The following RNLS variants were observed in gnomAD, a reference collection of about 807,000 sequenced individuals.
The protein encoded by RNLS is renalase.
RNLS carries 39 observed loss-of-function variants against 39.8 expected under a neutral mutation model. That is an observed-to-expected ratio of 0.98 (90% CI 0.76 to 1.28). The LOEUF is 1.28. RNLS is among the 50% of genes most tolerant of loss of function. The probability of loss-of-function intolerance (pLI) is 0.00; values close to 1 mark genes in which losing one functional copy is unlikely to be tolerated. For missense variants in RNLS, 410 were observed against 413.3 expected (o/e 0.99, Z 0.07); for synonymous variants, 147 against 150.7 (o/e 0.98, Z 0.18).
At chr10:88,252,493 G>T in the RNLS span, among the ~76,000 whole-genome samples, 1 of 152,186 alleles carries the variant, frequency 6.6e-6, no homozygotes, top group Non-Finnish European at 1.5e-5. Flanking sequence ...GTGGGCAGAG[G>T]CTGTGGCCAG....
intron 4 of RNLS, among the ~76,000 whole-genome samples, chr10:88,404,406 AT>A (rs1246400559): frequency 6.6e-6 from 1 of 152,062 alleles, no homozygotes; most frequent in East Asian, 1.9e-4. Flanking sequence ...CAATTCAGAT[AT>A]TACCACCTCT....
intron 4 of RNLS, among the ~76,000 whole-genome samples, chr10:88,369,240 CAAG>C (rs1850356025): frequency 1.3e-5 from 2 of 152,092 alleles, no homozygotes; most frequent in Non-Finnish European, 2.9e-5. Flanking sequence ...TTTGAATAGA[CAAG>C]AAGTCTATTT....
At chr10:88,434,686 G>C (rs1200368276) in intron 4 of RNLS, among the ~76,000 whole-genome samples, 2 of 152,060 alleles carry the variant, frequency 1.3e-5, no homozygotes, top group Non-Finnish European at 2.9e-5. Flanking sequence ...TTAAAAATCA[G>C]AATACATATT....
At chr10:88,365,457 T>A (rs922627368) in intron 4 of RNLS, among the ~76,000 whole-genome samples, 1 of 151,448 alleles carries the variant, frequency 6.6e-6, no homozygotes, top group Non-Finnish European at 1.5e-5. Context: ...CCAATTCCAA[T>A]ATAATAAATC....
intron 4 of RNLS, among the ~76,000 whole-genome samples, chr10:88,531,701 T>TA: frequency 6.6e-6 from 1 of 152,202 alleles, no homozygotes; most frequent in South Asian, 2.1e-4. Flanking sequence ...GAAATTCCCT[T>TA]TTAAAAGCTC....
intron 4 of RNLS, among the ~76,000 whole-genome samples, chr10:88,489,111 T>A (rs929541747): frequency 6.6e-6 from 1 of 152,154 alleles, no homozygotes; most frequent in Non-Finnish European, 1.5e-5. Context: ...AATGATTTGT[T>A]TTTTCTATAC....
At chr10:88,568,814 C>A (rs980865050) in intron 4 of RNLS, among the ~76,000 whole-genome samples, 2 of 152,138 alleles carry the variant, frequency 1.3e-5, no homozygotes, top group African/African-American at 4.8e-5. Flanking sequence ...AAGATACATT[C>A]GTTGCTCTGT....
chr10:88,533,059 A>C (rs1413414700), intron 4 of RNLS, among the ~76,000 whole-genome samples: 1 of 152,128 alleles, frequency 6.6e-6, no homozygotes, highest in African/African-American at 2.4e-5. Flanking sequence ...CAACAAAATA[A>C]ACATTTAATT....
At chr10:88,567,996 C>T (rs529434685) in intron 4 of RNLS, among the ~76,000 whole-genome samples, 6 of 152,272 alleles carry the variant, frequency 3.9e-5, no homozygotes, top group African/African-American at 1.4e-4. Flanking sequence ...AAGCCTTGTC[C>T]ACCACGACCA....
At chr10:88,303,037 T>A (rs1844644549) in intron 6 of RNLS, among the ~76,000 whole-genome samples, 1 of 152,188 alleles carries the variant, frequency 6.6e-6, no homozygotes, top group Non-Finnish European at 1.5e-5. Context: ...GAACACTGCA[T>A]GGGGCTACTG....
intron 4 of RNLS, among the ~76,000 whole-genome samples, chr10:88,494,277 G>A (rs1845046994): frequency 6.6e-6 from 1 of 152,084 alleles, no homozygotes; most frequent in African/African-American, 2.4e-5. Context: ...AAGCTTAGTG[G>A]CTTTCACTTC....
chr10:88,222,119 C>T, the RNLS span, among the ~76,000 whole-genome samples: 2 of 152,130 alleles, frequency 1.3e-5, no homozygotes, highest in African/African-American at 2.4e-5. Flanking sequence ...GACACATAGG[C>T]TTATGTGGCT....
intron 5 of RNLS, among the ~76,000 whole-genome samples, chr10:88,315,591 C>T (rs1369580756): frequency 1.3e-5 from 2 of 152,094 alleles, no homozygotes; most frequent in Non-Finnish European, 2.9e-5. Flanking sequence ...AGATGTCAAA[C>T]CTGATTCTGG....
chr10:88,550,933 G>GA (rs1490757603), intron 4 of RNLS, among the ~76,000 whole-genome samples: 1 of 152,192 alleles, frequency 6.6e-6, no homozygotes, highest in Non-Finnish European at 1.5e-5. Context: ...TAACCATTTA[G>GA]AGGCTGATAT....
At chr10:88,527,888 G>A (rs1448593941) in intron 4 of RNLS, among the ~76,000 whole-genome samples, 1 of 150,788 alleles carries the variant, frequency 6.6e-6, no homozygotes, top group African/African-American at 2.4e-5. Context: ...TATCCTCAGA[G>A]AGATAAGATA....
At chr10:88,493,148 A>G (rs1233220571) in intron 4 of RNLS, among the ~76,000 whole-genome samples, 1 of 152,066 alleles carries the variant, frequency 6.6e-6, no homozygotes, top group Non-Finnish European at 1.5e-5. Context: ...CATGTGTTCT[A>G]CTTGTAAACC....
chr10:88,319,232 A>G (rs1845996753), intron 5 of RNLS, among the ~76,000 whole-genome samples: 1 of 152,188 alleles, frequency 6.6e-6, no homozygotes, highest in Non-Finnish European at 1.5e-5. Context: ...ATCATACACA[A>G]CATACAACAT....
chr10:88,255,167 C>T, the RNLS span, among the ~76,000 whole-genome samples: 1 of 152,298 alleles, frequency 6.6e-6, no homozygotes, highest in Admixed American at 6.5e-5. Context: ...ATGATCCAGC[C>T]GTGGTTTATT....
chr10:88,229,540 C>T, the RNLS span, among the ~76,000 whole-genome samples: 1 of 152,200 alleles, frequency 6.6e-6, no homozygotes, highest in Non-Finnish European at 1.5e-5. Context: ...ATGTAAGTCA[C>T]CTATTTAAAG....
Sources: allele counts gnomAD v4.1 joint callset (sites outside exome capture counted in the v4.1 genomes callset), GRCh38; gene constraint gnomAD v4.1.1; transcripts MANE v1.5; gene names NCBI Gene and HGNC (gene_info 2026-07-23, HGNC 2026-07-21).